SEMA7A: variants seen among roughly 807,000 people sequenced by gnomAD.
SEMA7A encodes the protein semaphorin 7A (JohnMiltonHagen blood group), also known as semaphorin-7A.
SEMA7A carries 21 observed loss-of-function variants against 67.5 expected under a neutral mutation model. That is an observed-to-expected ratio of 0.31 (90% CI 0.22 to 0.45). The LOEUF is 0.45. SEMA7A is among the 20% of genes least tolerant of loss of function. The pLI, the probability that SEMA7A is intolerant of heterozygous loss-of-function variation, is 1.00. For missense variants in SEMA7A, 774 were observed against 908.6 expected, an observed-to-expected ratio of 0.85 and a Z score of 1.90; for synonymous variants, 364 against 368.5, an observed-to-expected ratio of 0.99 and a Z score of 0.14.
At chr15:74,417,275 T>A (rs1306054176) in intron 6 of SEMA7A, 60 bp downstream of exon 6, 1 of 1,326,430 alleles carries the variant, frequency 7.5e-7, no homozygotes, top group African/African-American at 1.4e-5. Context: ...GGATCCCATC[T>A]GCCACCTTAA....
chr15:74,433,234 C>A (rs2061106387), intron 1 of SEMA7A, among the ~76,000 whole-genome samples: 2 of 143,984 alleles, frequency 1.4e-5, no homozygotes, highest in East Asian at 2.6e-4. Context: ...CGGGGGCAGG[C>A]GGCGGGGTCT....
chr15:74,428,924 C>T lies in SEMA7A; in HGVS notation c.178+4817G>A, dbSNP rs552247101. 5.9e-4 allele frequency among the ~76,000 whole-genome samples: 90 copies of T among 152,318 alleles called. 1 individual carries two copies. The highest frequency in any genetic ancestry group is 3.9e-3 in the Admixed American group (60 of 15,308). On this transcript the variant is annotated intron_variant, in intron 1 of 13. Transcript: ENST00000261918. ...AACTCTGTCCTCTGAGGAGGCAGGG[C>T]CCAACAAGGTGCCGTGGCCCTCCAT... is the stretch of plus-strand genomic sequence containing the variant.
At chr15:74,421,119 A>G (rs1323600502) in intron 1 of SEMA7A, among the ~76,000 whole-genome samples, 4 of 152,220 alleles carry the variant, frequency 2.6e-5, no homozygotes, top group African/African-American at 9.7e-5. Context: ...GTTGAAGAGA[A>G]GAGGAAAACA....
intron 1 of SEMA7A, among the ~76,000 whole-genome samples, chr15:74,432,140 G>A (rs149739178): frequency 6.6e-6 from 1 of 152,212 alleles, no homozygotes; most frequent in African/African-American, 2.4e-5. Context: ...GGCAAACAGA[G>A]TCAAAATGCA....
chr15:74,418,024 A>C, intron 3 of SEMA7A, 55 bp from the exon 4 acceptor site: 5 of 1,580,264 alleles, frequency 3.2e-6, no homozygotes, highest in Non-Finnish European at 4.3e-6. Flanking sequence ...AGGCCCTGGC[A>C]AGCCTAGCAC....
intron 8 of SEMA7A, among the ~76,000 whole-genome samples, chr15:74,415,435 G>A (rs1294138898): frequency 2.0e-5 from 3 of 151,980 alleles, no homozygotes; most frequent in African/African-American, 4.8e-5. Flanking sequence ...GTGAATTATC[G>A]GGCTCAGGCA....
At chr15:74,417,557 T>G (rs758808982) in intron 5 of SEMA7A, 34 bp downstream of exon 5, 1 of 1,596,082 alleles carries the variant, frequency 6.3e-7, no homozygotes, top group Admixed American at 1.7e-5. Flanking sequence ...TTCAGAAGCA[T>G]CCCCCTGGGG....
rs1022046435 is a variant in SEMA7A, at chr15:74,414,607, C to T, written c.1234G>A (p.Ala412Thr). 1 of 1,614,202 alleles carries T rather than the reference C, an allele frequency of 6.2e-7. No homozygotes were observed. Among genetic ancestry groups the T allele is most frequent in the South Asian group, 1.1e-5 (1 of 91,082 alleles). ...TGGCTGGCTTGCATGCGGTGGACGG[C>T]CACTTTCTGGTAGTGGTATTTAGAG... The part of the protein sequence containing the change: ...FHSKYHYQKV[A>T]VHRMQASHGE... The change falls in exon 10 of 14, where the codon GCC becomes ACC. Residue 412 changes from alanine (A) to threonine (T), a missense_variant. Around this residue, in one of 2 missense-constraint regions of SEMA7A, gnomAD observed 427 missense variants for 555.4 expected, o/e 0.77. Transcript: ENST00000261918. This position sits in a 1 kb window ranked among gnomAD's most constrained non-coding sequence, Gnocchi z 4.1.
At position 74,410,664 on chromosome 15, in the gene SEMA7A, C is replaced by A. The variant is rs1296986142; in HGVS notation, c.1961G>T (p.Gly654Val). The change falls in exon 14 of 14, where the codon GGG (glycine) becomes GTG (valine). Residue 654 changes from glycine (G) to valine (V), a missense_variant. This residue lies in a region of SEMA7A where 427 missense variants were observed against 555.4 expected (regional missense o/e 0.77). Transcript: ENST00000261918. The surrounding 1 kb of genome is among the most constrained non-coding windows in gnomAD (Gnocchi z 7.5). ...ACALAASLWL[G>V]VLPTLTLGLL... is the part of the protein sequence containing the mutation. ...GCCAAGAGTGAGTGTGGGCAGCACC[C>A]CCAGCCAGAGGGAGGCGGCCAGGGC... 3.7e-6 allele frequency: 6 copies of A among 1,607,060 alleles called. No homozygotes were observed. Among genetic ancestry groups the A allele is most frequent in the Non-Finnish European group, 5.1e-6 (6 of 1,175,480 alleles).
chr15:74,415,046 C>A, intron 8 of SEMA7A, 100 bp from the exon 9 acceptor site: 1 of 912,072 alleles, frequency 1.1e-6, no homozygotes, highest in Non-Finnish European at 1.8e-6. Context: ...AGTTGCCAAC[C>A]ACCACTGAAA....
In SEMA7A at chr15:74,411,557, G is replaced by A. The variant is rs779532079; in HGVS notation, c.1576C>T (p.Arg526Trp). The A allele has an allele frequency of 2.1e-5, 33 of 1,566,436 alleles. No homozygotes were observed. The highest frequency in any genetic ancestry group is 1.8e-4 in the Middle Eastern group (1 of 5,506). The change falls in exon 12 of 14, where the codon CGG becomes TGG. Residue 526 changes from arginine (R) to tryptophan (W), a missense_variant and splice_region_variant. By Grantham distance (101) the Arg-to-Trp change is moderately radical. Coordinates refer to ENST00000261918, the MANE Select transcript of SEMA7A (RefSeq NM_003612.5). This position sits in a 1 kb window ranked among gnomAD's most constrained non-coding sequence, Gnocchi z 4.4. ...GRCISIYSSE[R>W]SVLQSINPAE... Reference sequence around the variant, plus strand: ...GACGAGGGATCCCGGCCAACGTACCGTTCGGAGCTGTAGATGGAGATGCAG... The same window carrying A: ...GACGAGGGATCCCGGCCAACGTACCATTCGGAGCTGTAGATGGAGATGCAG...
Position 74,414,617 on chromosome 15 carries a change from G to A in SEMA7A, c.1224C>T (p.Tyr408=), listed in dbSNP as rs750347566. The change falls in exon 10 of 14, where the codon TAC becomes TAT. Residue 408 remains tyrosine (Y), a synonymous_variant. Transcript: ENST00000261918. The surrounding 1 kb of genome is among the most constrained non-coding windows in gnomAD (Gnocchi z 4.1). The part of the protein sequence containing the change: ...KTPLFHSKYH[Y]QKVAVHRMQA... ...GCATGCGGTGGACGGCCACTTTCTG[G>A]TAGTGGTATTTAGAGTGGAACAATG... 6 of 1,614,034 alleles carry A rather than the reference G, an allele frequency of 3.7e-6. No individual in the cohort carries two copies. Among genetic ancestry groups the A allele is most frequent in the African/African-American group, 1.3e-5 (1 of 74,900 alleles).
In SEMA7A at chr15:74,417,522, G is replaced by A. The variant is rs1424467622; in HGVS notation, c.550+69C>T. ...CCCTCCTCCGGACACTGGACAAAGA[G>A]CTGACCACTCCTCTCCCAGCCCAGT... On this transcript the variant is annotated intron_variant, in intron 5 of 13. Coordinates refer to ENST00000261918, the MANE Select transcript of SEMA7A (RefSeq NM_003612.5). 9.5e-6 allele frequency: 15 copies of A among 1,583,942 alleles called. No homozygotes were observed. In the Admixed American group the frequency reaches 2.5e-4, roughly 26 times the overall value.
intron 5 of SEMA7A, 52 bp from the exon 6 acceptor site, chr15:74,417,497 C>A (rs962524221): frequency 1.3e-6 from 2 of 1,589,432 alleles, no homozygotes; most frequent in Admixed American, 3.3e-5. Context: ...TCCTGGAAGT[C>A]CCTCCTCCGG....
In SEMA7A at chr15:74,415,805, G is replaced by C. The variant is rs749130646; in HGVS notation, c.982C>G (p.Pro328Ala). Residue 328 changes from proline to alanine, a missense_variant, in exon 8 of 14, where the codon CCC (proline) becomes GCC (alanine). Coordinates refer to ENST00000261918, the MANE Select transcript of SEMA7A (RefSeq NM_003612.5). The part of the protein sequence containing the change: ...DTRVYGVFSN[P>A]WNYSAVCVYS... Reference sequence around the variant, plus strand: ...CCCAGGACAAGGGCCACTCACCAGGGGTTGGAGAAAACACCATAGACCCTG... The same window carrying C: ...CCCAGGACAAGGGCCACTCACCAGGCGTTGGAGAAAACACCATAGACCCTG... 1.2e-6 allele frequency: 2 copies of C among 1,612,306 alleles called. No individual in the cohort carries two copies. The highest frequency in any genetic ancestry group is 1.7e-6 in the Non-Finnish European group (2 of 1,179,236).
chr15:74,423,370 G>A lies in SEMA7A; in HGVS notation c.179-4418C>T, dbSNP rs768983246. ...CCACATGTCAAGGTGGAAGGGAGAG[G>A]ATCTAAACAGTCATTGAACTGAAGG... On this transcript the variant is annotated intron_variant, in intron 1 of 13. Coordinates refer to ENST00000261918, the MANE Select transcript of SEMA7A (RefSeq NM_003612.5). The surrounding 1 kb of genome is among the most constrained non-coding windows in gnomAD (Gnocchi z 4.1). Among the ~76,000 whole-genome samples the A allele has an allele frequency of 2.6e-5, 4 of 152,160 alleles. No individual in the cohort carries two copies. Among genetic ancestry groups the A allele is most frequent in the African/African-American group, 4.8e-5 (2 of 41,432 alleles).
intron 1 of SEMA7A, among the ~76,000 whole-genome samples, chr15:74,428,169 A>G (rs1431220180): frequency 1.3e-5 from 2 of 152,248 alleles, no homozygotes; most frequent in Non-Finnish European, 2.9e-5. Flanking sequence ...GTCCAAATCC[A>G]AGGTCCTGAA....
In SEMA7A at chr15:74,411,254, A is replaced by C. The variant is rs1596185473; in HGVS notation, c.1639+41T>G. 1 of 1,598,272 alleles carries C rather than the reference A, an allele frequency of 6.3e-7. No homozygotes were observed. The highest frequency in any genetic ancestry group is 8.6e-7 in the Non-Finnish European group (1 of 1,168,538). ...GACAATCAGGGCAGGGCAGTACCCC[A>C]CTCATTGGGCCACAGCCGCCAGCAG... On this transcript the variant is annotated intron_variant, in intron 13 of 13. Transcript: ENST00000261918. This position sits in a 1 kb window ranked among gnomAD's most constrained non-coding sequence, Gnocchi z 4.4.
chr15:74,412,253 C>T (rs2060908513), intron 10 of SEMA7A, among the ~76,000 whole-genome samples: 1 of 152,150 alleles, frequency 6.6e-6, no homozygotes, highest in Non-Finnish European at 1.5e-5. Flanking sequence ...ATACGGCCTC[C>T]AACATTCCCA....
Sources: gnomAD v4.1 joint callset for allele counts (sites outside exome capture counted in the v4.1 genomes callset) on GRCh38, gnomAD v4.1.1 for gene constraint, gnomAD v4.1.1 regional missense constraint, Gnocchi (gnomAD v3.1) non-coding constraint, MANE v1.5 for transcripts, NCBI Gene and HGNC (gene_info 2026-07-23, HGNC 2026-07-21) for gene names.